OPRM1: variants seen among roughly 807,000 people sequenced by gnomAD.
The protein encoded by OPRM1 is opioid receptor mu 1.
OPRM1 carries 27 observed loss-of-function variants against 31.8 expected under a neutral mutation model. The observed-to-expected ratio is 0.85, with a 90% CI of 0.63 to 1.17. The LOEUF (loss-of-function observed/expected upper bound fraction) is 1.17. Ranked by LOEUF, OPRM1 falls within the 50% of genes most tolerant of loss-of-function variation. The probability of loss-of-function intolerance (pLI) is 0.00; values close to 1 mark genes in which losing one functional copy is unlikely to be tolerated. For missense variants in OPRM1, 536 were observed against 511.1 expected (o/e 1.05, Z -0.47); for synonymous variants, 196 against 189.9 (o/e 1.03, Z -0.26).
intron 1 of OPRM1, among the ~76,000 whole-genome samples, chr6:154,088,680 C>A (rs746063158): frequency 6.6e-6 from 1 of 152,062 alleles, no homozygotes; most frequent in Admixed American, 6.6e-5. Context: ...TTTAATTATG[C>A]GTTATTTATT....
At chr6:154,113,525 C>T (rs1474875131) in intron 3 of OPRM1, among the ~76,000 whole-genome samples, 1 of 152,136 alleles carries the variant, frequency 6.6e-6, no homozygotes, top group East Asian at 1.9e-4. Context: ...TGGGCAGGGT[C>T]GCCAAGTACT....
intron 3 of OPRM1, among the ~76,000 whole-genome samples, chr6:154,228,846 C>T (rs1222238375): frequency 6.6e-6 from 1 of 152,186 alleles, no homozygotes; most frequent in African/African-American, 2.4e-5. Flanking sequence ...TGAGATGGTG[C>T]CACTTGCACT....
intron 3 of OPRM1, among the ~76,000 whole-genome samples, chr6:154,180,785 T>G (rs1336147552): frequency 6.6e-6 from 1 of 152,234 alleles, no homozygotes; most frequent in Non-Finnish European, 1.5e-5. Flanking sequence ...TATGCCATAT[T>G]TCTTATCAGA....
chr6:154,021,972 T>C (rs1169762771), intron 1 of OPRM1, among the ~76,000 whole-genome samples: 2 of 152,228 alleles, frequency 1.3e-5, no homozygotes, highest in African/African-American at 4.8e-5. Context: ...TCTTGTCTTA[T>C]TGCATTAGCT....
At chr6:154,152,848 G>A (rs1450240599) in intron 3 of OPRM1, among the ~76,000 whole-genome samples, 4 of 151,380 alleles carry the variant, frequency 2.6e-5, no homozygotes, top group Non-Finnish European at 5.9e-5. Flanking sequence ...TCCTGCCTCA[G>A]CCTCTCACGT....
intron 1 of OPRM1, among the ~76,000 whole-genome samples, chr6:154,057,947 A>G (rs1783644059): frequency 6.6e-6 from 1 of 152,232 alleles, no homozygotes; most frequent in East Asian, 1.9e-4. Context: ...TCAAAAGAGA[A>G]ATTGACACTA....
chr6:154,056,404 G>A (rs901639956), intron 1 of OPRM1, among the ~76,000 whole-genome samples: 9 of 151,912 alleles, frequency 5.9e-5, no homozygotes, highest in Non-Finnish European at 1.0e-4. Context: ...TTACAGGCGT[G>A]AGCCAACGCG....
At chr6:154,151,451 T>G (rs1240907428) in intron 3 of OPRM1, among the ~76,000 whole-genome samples, 1 of 152,136 alleles carries the variant, frequency 6.6e-6, no homozygotes, top group Non-Finnish European at 1.5e-5. Flanking sequence ...ACCACAGCTG[T>G]CAGTCATTGT....
chr6:154,241,234 C>CA (rs11308882), intron 3 of OPRM1, among the ~76,000 whole-genome samples: 3,350 of 78,886 alleles, frequency 0.042, 155 homozygotes, highest in African/African-American at 0.12. Flanking sequence ...GACTCCATCT[C>CA]AAAAAAAAAA....
At chr6:154,210,122 A>G (rs1156880046) in intron 3 of OPRM1, among the ~76,000 whole-genome samples, 4 of 152,164 alleles carry the variant, frequency 2.6e-5, no homozygotes, top group Non-Finnish European at 4.4e-5. Context: ...TAAGAAGGCA[A>G]TTTGGTTGCT....
At chr6:154,031,761 A>G (rs1290522899) in intron 1 of OPRM1, among the ~76,000 whole-genome samples, 2 of 152,154 alleles carry the variant, frequency 1.3e-5, no homozygotes, top group Admixed American at 6.5e-5. Flanking sequence ...AATAATAAAA[A>G]TAAAATGTTT....
At chr6:154,243,347 C>T (rs190132999) in intron 3 of OPRM1, among the ~76,000 whole-genome samples, 28 of 152,238 alleles carry the variant, frequency 1.8e-4, no homozygotes, top group African/African-American at 4.6e-4. Flanking sequence ...ACTTGTGTGC[C>T]GCGTCACACT....
intron 3 of OPRM1, among the ~76,000 whole-genome samples, chr6:154,178,024 C>A (rs1800496850): frequency 6.7e-6 from 1 of 149,228 alleles, no homozygotes; most frequent in South Asian, 2.1e-4. Flanking sequence ...TCATTCTCAG[C>A]AAAATATCAC....
At position 154,089,898 on chromosome 6, in the gene OPRM1, T is replaced by C. The variant is rs532390027; in HGVS notation, c.363T>C (p.Ser121=). The change falls in exon 2 of 4, where the codon AGT becomes AGC. Residue 121 remains serine (S), a synonymous_variant. Coordinates refer to ENST00000330432, the MANE Select transcript of OPRM1 (RefSeq NM_000914.5). ...NLALADALAT[S]TLPFQSVNYL... ...CTCTGGCAGATGCCTTAGCCACCAG[T>C]ACCCTGCCCTTCCAGAGTGTGAATT... The C allele has an allele frequency of 8.1e-6, 13 of 1,614,198 alleles. No individual in the cohort carries two copies. The South Asian group carries it at 1.1e-4, about 14-fold the overall frequency.
intron 3 of OPRM1, among the ~76,000 whole-genome samples, chr6:154,237,437 A>T (rs1171253387): frequency 6.6e-6 from 1 of 152,142 alleles, no homozygotes; most frequent in Admixed American, 6.5e-5. Context: ...ACTGAGAAAA[A>T]CCATTCCTGG....
chr6:154,039,204 T>C (rs1292542339), upstream of OPRM1: 19 of 1,551,620 alleles, frequency 1.2e-5, no homozygotes, highest in Admixed American at 2.7e-4. Flanking sequence ...ACCTACTCCT[T>C]GGATCGCTTT....
chr6:154,040,285 C>T (rs1779788966), intron 1 of OPRM1, among the ~76,000 whole-genome samples: 1 of 151,302 alleles, frequency 6.6e-6, no homozygotes, highest in African/African-American at 2.4e-5. Context: ...GTGTGTGTGG[C>T]GGGGGGAGCA....
intron 1 of OPRM1, among the ~76,000 whole-genome samples, chr6:154,014,940 A>ATG (rs1777923065): frequency 6.6e-6 from 1 of 152,176 alleles, no homozygotes. Flanking sequence ...TATAGCCAAA[A>ATG]TGTATAATAA....
At position 154,212,899 on chromosome 6, in the gene OPRM1, G is replaced by A. The variant is rs375626029; in HGVS notation, c.1165-33794G>A. The stretch of plus-strand genomic sequence containing the variant: ...TGCTTAATGTTTTAACGCTGTCATC[G>A]CTTATTCCATAATGCATGAGCAGAG... On this transcript the variant is annotated intron_variant, in intron 3 of 3. Transcript: ENST00000337049. The A allele has an allele frequency of 3.1e-5, 41 of 1,313,084 alleles. No homozygotes were observed. In the African/African-American group the frequency reaches 4.2e-4, roughly 13 times the overall value. The allele number at this position is 1,313,084 out of a possible 1,614,324, so 81.3% of individuals were successfully genotyped here. A position where few individuals can be genotyped will look rare whatever the true frequency, so the allele number is the denominator to read the frequency against.
Sources: allele counts gnomAD v4.1 joint callset (sites outside exome capture counted in the v4.1 genomes callset), GRCh38; gene constraint gnomAD v4.1.1; transcripts MANE v1.5; gene names NCBI Gene and HGNC (gene_info 2026-07-23, HGNC 2026-07-21).